CYP4A22: variants seen among roughly 807,000 people sequenced by gnomAD.
CYP4A22 encodes cytochrome P450 family 4 subfamily A member 22, also known as cytochrome P450 4A22.
Under a neutral mutation model 56.2 loss-of-function variants are expected in CYP4A22, and 46 were observed. The observed-to-expected ratio is 0.82, with a 90% CI of 0.65 to 1.05. The LOEUF (loss-of-function observed/expected upper bound fraction) is 1.05. CYP4A22 is among the 50% of genes least tolerant of loss of function. The probability of loss-of-function intolerance (pLI) is 0.00; values close to 1 mark genes in which losing one functional copy is unlikely to be tolerated. For missense variants in CYP4A22, 541 were observed against 645.9 expected, an observed-to-expected ratio of 0.84 and a Z score of 1.76; for synonymous variants, 193 against 251.1, an observed-to-expected ratio of 0.77 and a Z score of 2.19.
intron 11 of CYP4A22, among the ~76,000 whole-genome samples, chr1:47,147,752 AG>A (rs1303230964): frequency 6.6e-6 from 1 of 152,170 alleles, no homozygotes; most frequent in African/African-American, 2.4e-5. Flanking sequence ...CCACATGAAC[AG>A]GGCTAGGATG....
In CYP4A22 at chr1:47,148,736, A is replaced by G. The variant is rs1420880520; in HGVS notation, c.1499A>G (p.Asn500Ser). 3.1e-6 allele frequency: 5 copies of G among 1,614,026 alleles called. No individual in the cohort carries two copies. The East Asian group carries it at 6.7e-5, about 22-fold the overall frequency. Residue 500 changes from asparagine to serine, a missense_variant, in exon 12 of 12, where the codon AAT becomes AGT. Around this residue, in one of 3 missense-constraint regions of CYP4A22, gnomAD observed 204 missense variants for 258.9 expected, o/e 0.79. Coordinates refer to ENST00000371891, the MANE Select transcript of CYP4A22 (RefSeq NM_001010969.4). ...GCACGACTTGTGTTGAAATCCAAAA[A>G]TGGAATCCACCTGCGTCTCAGGAGG... Reference protein sequence around the residue: ...PMARLVLKSKNGIHLRLRRLP... With the variant: ...PMARLVLKSKSGIHLRLRRLP...
intron 11 of CYP4A22, chr1:47,146,479 G>A (rs1645077801): frequency 1.7e-6 from 2 of 1,157,604 alleles, no homozygotes; most frequent in Non-Finnish European, 2.1e-6. Context: ...ATATTCTCCA[G>A]TAAATTCAAC....
intron 3 of CYP4A22, 116 bp downstream of exon 3, chr1:47,141,731 A>T: frequency 7.3e-7 from 1 of 1,362,776 alleles, no homozygotes. Flanking sequence ...TCCCCAAATC[A>T]AGCCTCATTT....
intron 9 of CYP4A22, among the ~76,000 whole-genome samples, chr1:47,145,634 G>T (rs1645067468): frequency 6.6e-6 from 1 of 152,194 alleles, no homozygotes; most frequent in Non-Finnish European, 1.5e-5. Context: ...AAAGAGTAAT[G>T]CTCTGATTCT....
rs1645082390 is a variant in CYP4A22 at position 47,146,947 on chromosome 1, A to C, written c.1364+794A>C. The C allele has an allele frequency of 3.0e-6, 3 of 985,330 alleles. No homozygotes were observed. In the African/African-American group the frequency reaches 5.2e-5, roughly 17 times the overall value. 61.0% of individuals were successfully genotyped at this position (985,330 alleles called of 1,614,324 possible). ...AAGCCCAATAATTATCATATAACGC[A>C]CAACATTTGAAGCCTCCTGGTATGT... On this transcript the variant is annotated intron_variant, in intron 11 of 11. Coordinates refer to ENST00000371891, the MANE Select transcript of CYP4A22 (RefSeq NM_001010969.4).
In CYP4A22 at chr1:47,142,199, C is replaced by A; in HGVS notation, c.474C>A (p.Tyr158Ter). The A allele has an allele frequency of 6.2e-7, 1 of 1,613,504 alleles. No homozygotes were observed. The highest frequency in any genetic ancestry group is 8.5e-7 in the Non-Finnish European group (1 of 1,179,676). ...TCCACAATGACATCCTGAAGCCATA[C>A]GTGGGGCTCATGGCAGACTCTGTAC... ...PAFHNDILKPYVGLMADSVRV... is the reference protein window; with the variant it reads ...PAFHNDILKP The change falls in exon 4 of 12, where the codon TAC becomes TAA. Residue 158 changes from tyrosine to a stop codon, truncating the protein, a stop_gained. Transcript: ENST00000371891. LOFTEE classifies it high-confidence loss of function.
intron 3 of CYP4A22, among the ~76,000 whole-genome samples, 195 bp downstream of exon 3, chr1:47,141,810 C>T (rs779475779): frequency 6.2e-4 from 95 of 152,190 alleles, no homozygotes; most frequent in Non-Finnish European, 1.1e-3. Flanking sequence ...CAGCTTCTTC[C>T]ATTTCATGTC....
At position 47,148,702 on chromosome 1, in the gene CYP4A22, A is replaced by G. The variant is rs1242355263; in HGVS notation, c.1465A>G (p.Ile489Val). 6.2e-7 allele frequency: 1 copy of G among 1,614,032 alleles called. No homozygotes were observed. The highest frequency in any genetic ancestry group is 1.7e-5 in the Admixed American group (1 of 60,014). Residue 489 changes from isoleucine to valine, a missense_variant, in exon 12 of 12, where the codon ATC becomes GTC. Ile to Val is a conservative substitution (Grantham distance 29). Transcript: ENST00000371891. Reference protein sequence around the residue: ...ELLPDPTRIPIPMARLVLKSK... With the variant: ...ELLPDPTRIPVPMARLVLKSK... ...GCTGCCTGATCCCACCAGGATCCCC[A>G]TCCCCATGGCACGACTTGTGTTGAA...
At chr1:47,148,116 C>A (rs1645095223) in intron 11 of CYP4A22, among the ~76,000 whole-genome samples, 1 of 152,106 alleles carries the variant, frequency 6.6e-6, no homozygotes, top group Non-Finnish European at 1.5e-5. Flanking sequence ...CTTCTGACTC[C>A]CTTAATACAC....
intron 1 of CYP4A22, among the ~76,000 whole-genome samples, chr1:47,139,155 C>T (rs112291150): frequency 4.1e-3 from 622 of 152,290 alleles, no homozygotes; most frequent in African/African-American, 0.014. Flanking sequence ...GTGCTTGCTA[C>T]CTGGAATTAT....
intron 2 of CYP4A22, 24 bp downstream of exon 2, chr1:47,140,945 C>T (rs1473868277): frequency 6.2e-7 from 1 of 1,612,488 alleles, no homozygotes; most frequent in South Asian, 1.1e-5. Context: ...CCCATCCCAA[C>T]TGCAATTTCT....
chr1:47,138,894 G>A (rs886900163), intron 1 of CYP4A22, among the ~76,000 whole-genome samples: 1 of 152,216 alleles, frequency 6.6e-6, no homozygotes, highest in African/African-American at 2.4e-5. Context: ...ACTCACCAAG[G>A]TGCTATGAAT....
chr1:47,138,154 G>C (rs975511746), intron 1 of CYP4A22, among the ~76,000 whole-genome samples: 1 of 152,188 alleles, frequency 6.6e-6, no homozygotes, highest in Non-Finnish European at 1.5e-5. Context: ...ATTTGAGAAG[G>C]TGTCAGACTG....
At chr1:47,145,827 A>G in intron 9 of CYP4A22, 39 bp from the exon 10 acceptor site, 1 of 1,613,182 alleles carries the variant, frequency 6.2e-7, no homozygotes. Context: ...ACCCCATGCA[A>G]ATGATCGGTC....
At chr1:47,140,287 CT>C (rs1352794556) in intron 1 of CYP4A22, among the ~76,000 whole-genome samples, 3 of 152,136 alleles carry the variant, frequency 2.0e-5, no homozygotes, top group African/African-American at 7.2e-5. Context: ...TATAGTTAAT[CT>C]TTTTTTGCTT....
At position 47,149,360 on chromosome 1, in the gene CYP4A22, C is replaced by G. The variant is rs181715404; in HGVS notation, c.*563C>G. 1 of 153,596 alleles carries G rather than the reference C, an allele frequency of 6.5e-6. No homozygotes were observed. Among genetic ancestry groups the G allele is most frequent in the Non-Finnish European group, 1.5e-5 (1 of 68,960 alleles). 9.5% of individuals were successfully genotyped at this position (153,596 alleles called of 1,614,324 possible). A position where few individuals can be genotyped will look rare whatever the true frequency, so the allele number is the denominator to read the frequency against. ...AACCGTCACAGCTGTAAATCATGTG[C>G]TTAATGCAACATGCCCTTTCGACCC... is the stretch of plus-strand genomic sequence containing the variant. On this transcript the variant is annotated 3_prime_UTR_variant, in exon 12 of 12. Coordinates refer to ENST00000371891, the MANE Select transcript of CYP4A22 (RefSeq NM_001010969.4).
Position 47,141,584 on chromosome 1 carries a change from T to A in CYP4A22, c.351T>A (p.His117Gln). Residue 117 changes from histidine (H) to glutamine (Q), a missense_variant, in exon 3 of 12, where the codon CAT (histidine) becomes CAA (glutamine). His to Gln is a conservative substitution (Grantham distance 24). Around this residue, in one of 3 missense-constraint regions of CYP4A22, gnomAD observed 335 missense variants for 361.2 expected, o/e 0.93. Transcript: ENST00000371891. ...CTTACTTTTCAGACCCGAAATCCCA[T>A]GGATCCTACAAATTCCTGGCTCCAC... ...VILGRSDPKS[H>Q]GSYKFLAPRI... 6.2e-7 allele frequency: 1 copy of A among 1,613,858 alleles called. No homozygotes were observed. The highest frequency in any genetic ancestry group is 8.5e-7 in the Non-Finnish European group (1 of 1,179,814).
intron 1 of CYP4A22, among the ~76,000 whole-genome samples, chr1:47,138,026 G>C (rs1644963691): frequency 6.6e-6 from 1 of 152,156 alleles, no homozygotes. Flanking sequence ...GATGCTCCCT[G>C]TCCAGTCACT....
rs765462401 is a variant in CYP4A22 at position 47,146,126 on chromosome 1, C to T, written c.1337C>T (p.Ala446Val). ...FAPGSAQHSH[A>V]FLPFSGGSRN... ...CCGGGTTCTGCTCAACACAGCCACG[C>T]TTTCCTGCCCTTCTCAGGAGGATCA... is the stretch of plus-strand genomic sequence containing the variant. The change falls in exon 11 of 12, where the codon GCT (alanine) becomes GTT (valine). Residue 446 changes from alanine to valine, a missense_variant. Physicochemically the swap from Ala to Val is moderately conservative, Grantham distance 64. Coordinates refer to ENST00000371891, the MANE Select transcript of CYP4A22 (RefSeq NM_001010969.4). 17 of 1,614,184 alleles carry T rather than the reference C, an allele frequency of 1.1e-5. No individual in the cohort carries two copies. The South Asian group carries it at 1.8e-4, about 17-fold the overall frequency.
Sources: allele counts gnomAD v4.1 joint callset (sites outside exome capture counted in the v4.1 genomes callset), GRCh38; gene constraint gnomAD v4.1.1; regional missense constraint gnomAD v4.1.1; transcripts MANE v1.5; gene names NCBI Gene and HGNC (gene_info 2026-07-23, HGNC 2026-07-21).